EYA1: variants seen among roughly 807,000 people sequenced by gnomAD.
The protein encoded by EYA1 is EYA transcriptional coactivator and phosphatase 1.
A neutral mutation model predicts 82.0 loss-of-function variants in EYA1; 16 were observed. The ratio of observed to expected loss-of-function variants is 0.20; its 90% CI spans 0.13 to 0.30. The LOEUF (loss-of-function observed/expected upper bound fraction) is 0.30, where lower values mean the gene tolerates loss of function less well. Ranked by LOEUF, EYA1 falls within the 10% of genes least tolerant of loss-of-function variation. EYA1 has a pLI of 1.00. For synonymous variants in EYA1, 261 were observed against 264.4 expected (o/e 0.99, Z 0.12); for missense variants, 633 against 730.7 (o/e 0.87, Z 1.54).
chr8:71,215,917 T>C (rs181857689), intron 14 of EYA1, among the ~76,000 whole-genome samples, 189 bp from the exon 15 acceptor site: 93 of 152,336 alleles, frequency 6.1e-4, no homozygotes, highest in Non-Finnish European at 9.1e-4. Flanking sequence ...CATCTCTTTT[T>C]AGGGAACCTA....
At position 71,354,845 on chromosome 8, in the gene EYA1, T is replaced by C; in HGVS notation, c.61A>G (p.Ser21Gly). Residue 21 changes from serine to glycine, a missense_variant, in exon 3 of 18, where the codon AGT becomes GGT. Physicochemically the swap from Ser to Gly is moderately conservative, Grantham distance 56. Transcript: ENST00000340726. ...TGAGAGTTACCGAGTTTGGGGCCAC[T>C]GGGGGATTCACTACTACCACTCAGA... ...SRLSGSSESPSGPKLGNSHIN... is the reference protein window; with the variant it reads ...SRLSGSSESPGGPKLGNSHIN... The C allele has an allele frequency of 6.2e-7, 1 of 1,613,576 alleles. No individual in the cohort carries two copies.
chr8:71,484,183 T>G (rs1466543974), intron 2 of EYA1, among the ~76,000 whole-genome samples: 1 of 152,184 alleles, frequency 6.6e-6, no homozygotes, highest in Non-Finnish European at 1.5e-5. Flanking sequence ...AAAAAACTGA[T>G]GCTTGTGTCA....
At chr8:71,315,964 A>G (rs1821883493) in intron 7 of EYA1, among the ~76,000 whole-genome samples, 1 of 152,206 alleles carries the variant, frequency 6.6e-6, no homozygotes, top group East Asian at 1.9e-4. Context: ...GCCATACAGG[A>G]AAATAGACTC....
intron 5 of EYA1, 107 bp from the exon 6 acceptor site, chr8:71,321,986 G>A (rs1285270597): frequency 1.4e-6 from 2 of 1,473,656 alleles, no homozygotes; most frequent in Admixed American, 3.4e-5. Context: ...GTATCTTAAA[G>A]TAAAACTTTC....
At chr8:71,217,588 CGTGTGT>C (rs372443634) in intron 12 of EYA1, among the ~76,000 whole-genome samples, 75 of 150,912 alleles carry the variant, frequency 5.0e-4, no homozygotes, top group Non-Finnish European at 9.6e-4. Context: ...TCTCTGTGTA[CGTGTGT>C]GTGTGTGTGT....
chr8:71,511,818 A>T (rs536967098), intron 2 of EYA1, among the ~76,000 whole-genome samples: 144 of 152,300 alleles, frequency 9.5e-4, no homozygotes, highest in African/African-American at 3.3e-3. Flanking sequence ...GTAATCTTAA[A>T]GGTCATCTTC....
intron 3 of EYA1, among the ~76,000 whole-genome samples, chr8:71,341,319 T>C (rs1825102348): frequency 6.6e-6 from 1 of 152,218 alleles, no homozygotes; most frequent in Non-Finnish European, 1.5e-5. Flanking sequence ...TGTAACGTTA[T>C]GTTACGGGTT....
chr8:71,526,727 C>T lies in EYA1; in HGVS notation c.33+9017G>A, dbSNP rs138643464. Among the ~76,000 whole-genome samples, 55 of 152,256 alleles carry T rather than the reference C, an allele frequency of 3.6e-4. 2 individuals are homozygous for T. In the South Asian group the frequency reaches 0.01, roughly 28 times the overall value. On this transcript the variant is annotated intron_variant, in intron 2 of 18. Coordinates refer to the EYA1 transcript ENST00000643681. ...AACAGAGAGCAGGGAGAAAGCCATA[C>T]GGGCCTTTGTGACCTAGTGTCCACA... is the stretch of plus-strand genomic sequence containing the variant.
intron 9 of EYA1, among the ~76,000 whole-genome samples, chr8:71,282,939 T>C (rs895294343): frequency 9.2e-5 from 3 of 32,508 alleles, no homozygotes; most frequent in African/African-American, 2.3e-4. Context: ...CACCACCTTG[T>C]TTTTTTTTTT....
chr8:71,342,730 C>A (rs572547095), intron 3 of EYA1, among the ~76,000 whole-genome samples: 4 of 152,128 alleles, frequency 2.6e-5, no homozygotes, highest in Non-Finnish European at 5.9e-5. Context: ...TACAGACAAA[C>A]CTTTTGAATT....
At chr8:71,330,315 T>G (rs1449838048) in intron 4 of EYA1, among the ~76,000 whole-genome samples, 1 of 152,194 alleles carries the variant, frequency 6.6e-6, no homozygotes, top group African/African-American at 2.4e-5. Context: ...TTATTCCTTT[T>G]CTAGCCTGAT....
intron 2 of EYA1, among the ~76,000 whole-genome samples, chr8:71,443,125 G>A (rs921428816): frequency 6.6e-6 from 1 of 152,098 alleles, no homozygotes; most frequent in African/African-American, 2.4e-5. Flanking sequence ...ACACAAGTTC[G>A]AGAAAATGGT....
chr8:71,457,061 C>G (rs1807984496), intron 2 of EYA1, among the ~76,000 whole-genome samples: 1 of 152,020 alleles, frequency 6.6e-6, no homozygotes, highest in Admixed American at 6.5e-5. Context: ...AACAAATTTA[C>G]AAGAAAAAAA....
rs1812266675 is a variant in EYA1, at chr8:71,507,361, A to C, written c.33+28383T>G. Among the ~76,000 whole-genome samples, 3 of 152,202 alleles carry C rather than the reference A, an allele frequency of 2.0e-5. No individual in the cohort carries two copies. In the South Asian group the frequency reaches 6.2e-4, roughly 32 times the overall value. On this transcript the variant is annotated intron_variant, in intron 2 of 18. Transcript: ENST00000643681. ...TAATAGGAGAAATCACATTAAAATC[A>C]CATTGAGATATAATTTTTTACCTCT...
intron 9 of EYA1, among the ~76,000 whole-genome samples, chr8:71,285,724 A>G (rs1818295956): frequency 6.6e-6 from 1 of 152,172 alleles, no homozygotes. Context: ...ATTAACCAAA[A>G]AGTTTCCAAA....
chr8:71,366,080 T>C (rs759392040), upstream of EYA1, among the ~76,000 whole-genome samples: 12 of 152,122 alleles, frequency 7.9e-5, no homozygotes, highest in Non-Finnish European at 1.8e-4. Context: ...TTATTATATA[T>C]TAATAATAAC....
chr8:71,393,366 TA>T (rs1829389885), intron 2 of EYA1, among the ~76,000 whole-genome samples: 1 of 152,182 alleles, frequency 6.6e-6, no homozygotes, highest in Non-Finnish European at 1.5e-5. Flanking sequence ...TACATATGTA[TA>T]CATGTGTCAT....
chr8:71,207,363 A>G (rs1052445552), intron 17 of EYA1, among the ~76,000 whole-genome samples: 1 of 152,224 alleles, frequency 6.6e-6, no homozygotes, highest in African/African-American at 2.4e-5. Context: ...CTCCTTCAAT[A>G]AAGTTAGAAA....
At position 71,197,989 on chromosome 8, in the gene EYA1, C is replaced by T. The variant is rs1806450351; in HGVS notation, c.*1351G>A. On this transcript the variant is annotated 3_prime_UTR_variant, in exon 18 of 18. Transcript: ENST00000340726. ...GTTGTTTCCATGGTGATGACAATGG[C>T]AATGAACCTTCCTCAGGGTGACAGG... 1 of 152,148 alleles carries T rather than the reference C, an allele frequency of 6.6e-6. No homozygotes were observed. Among genetic ancestry groups the T allele is most frequent in the Non-Finnish European group, 1.5e-5 (1 of 68,030 alleles). 9.4% of individuals were successfully genotyped at this position (152,148 alleles called of 1,614,324 possible). A position where few individuals can be genotyped will look rare whatever the true frequency, so the allele number is the denominator to read the frequency against.
Sources: allele counts gnomAD v4.1 joint callset (sites outside exome capture counted in the v4.1 genomes callset), GRCh38; gene constraint gnomAD v4.1.1; transcripts MANE v1.5; gene names NCBI Gene and HGNC (gene_info 2026-07-23, HGNC 2026-07-21).